CSMD1: variants seen among roughly 807,000 people sequenced by gnomAD.
CSMD1 encodes CUB and Sushi multiple domains 1, also known as CUB and sushi domain-containing protein 1.
A neutral mutation model predicts 417.5 loss-of-function variants in CSMD1; 213 were observed. The observed-to-expected ratio is 0.51, with a 90% CI of 0.46 to 0.57. CSMD1 has a LOEUF of 0.57. Ranked by LOEUF, CSMD1 falls within the 20% of genes least tolerant of loss-of-function variation. The probability of loss-of-function intolerance (pLI) is 0.00; values close to 1 mark genes in which losing one functional copy is unlikely to be tolerated. For synonymous variants in CSMD1, 2,862 were observed against 1,736.8 expected (o/e 1.65, Z -16.11); for missense variants, 6,923 against 4,529.7 (o/e 1.53, Z -15.17).
chr8:4,817,480 G>A (rs1332711849), intron 1 of CSMD1, among the ~76,000 whole-genome samples: 2 of 152,174 alleles, frequency 1.3e-5, no homozygotes, highest in South Asian at 2.1e-4. Context: ...AGGCCCAAAG[G>A]GCACGTCCAA....
chr8:3,070,603 C>A (rs1269218219), intron 49 of CSMD1, among the ~76,000 whole-genome samples: 2 of 152,206 alleles, frequency 1.3e-5, no homozygotes, highest in Non-Finnish European at 2.9e-5. Context: ...CTCCAATTCC[C>A]AAGAAGTTTC....
intron 1 of CSMD1, among the ~76,000 whole-genome samples, chr8:4,868,652 A>C (rs1035363682): frequency 2.6e-5 from 4 of 152,086 alleles, no homozygotes; most frequent in Non-Finnish European, 5.9e-5. Context: ...GGTAATTGAA[A>C]ATTATTACCT....
rs1201069996 is a variant in CSMD1, at chr8:3,772,278, T to TATATTTAGACATACATATGTACAC, written c.819-18237_819-18236insGTGTACATATGTATGTCTAAATAT. Among the ~76,000 whole-genome samples the TATATTTAGACATACATATGTACAC allele has an allele frequency of 2.1e-5, 3 of 142,644 alleles. No homozygotes were observed. In the East Asian group the frequency reaches 5.9e-4, roughly 28 times the overall value. The allele number at this position is 142,644 out of a possible 152,430, so 93.6% of individuals were successfully genotyped here. A position where few individuals can be genotyped will look rare whatever the true frequency, so the allele number is the denominator to read the frequency against. On this transcript the variant is annotated intron_variant, in intron 5 of 69. Coordinates refer to ENST00000635120, the MANE Select transcript of CSMD1 (RefSeq NM_033225.6). Reference sequence around the variant, plus strand: ...ATATATTTAGACATACATATGTACATATATTTAGACATACATATGTACATA... The same window carrying TATATTTAGACATACATATGTACAC: ...ATATATTTAGACATACATATGTACATATATTTAGACATACATATGTACACATATTTAGACATACATATGTACATA...
chr8:3,620,633 G>T (rs968891620), intron 7 of CSMD1, among the ~76,000 whole-genome samples: 1 of 151,944 alleles, frequency 6.6e-6, no homozygotes. Context: ...TATCTCCATG[G>T]AAACCATAAA....
At chr8:4,027,320 G>A (rs950793276) in intron 4 of CSMD1, among the ~76,000 whole-genome samples, 4 of 152,110 alleles carry the variant, frequency 2.6e-5, no homozygotes, top group Admixed American at 6.5e-5. Context: ...TAGGATGATG[G>A]TATGCTTTGG....
At chr8:4,484,802 T>C (rs111978152) in intron 2 of CSMD1, among the ~76,000 whole-genome samples, 11,770 of 151,186 alleles carry the variant, frequency 0.078, 476 homozygotes, top group East Asian at 0.15. Context: ...ACCCCGTCTC[T>C]ACTAAAAAAT....
At position 4,543,291 on chromosome 8, in the gene CSMD1, C is replaced by A. The variant is rs111564046; in HGVS notation, c.302+94051G>T. 5.4e-3 allele frequency among the ~76,000 whole-genome samples: 816 copies of A among 152,290 alleles called. 10 individuals carry two copies. Among genetic ancestry groups the A allele is most frequent in the African/African-American group, 0.018 (762 of 41,556 alleles). On this transcript the variant is annotated intron_variant, in intron 2 of 69. Coordinates refer to ENST00000635120, the MANE Select transcript of CSMD1 (RefSeq NM_033225.6). The stretch of plus-strand genomic sequence containing the variant: ...TGCCCTAAAGATCCCCAAAGCTTCA[C>A]CTGTTCATCCCTCCCTTCCTCCACC...
chr8:3,591,130 G>A (rs73179194), intron 8 of CSMD1, among the ~76,000 whole-genome samples: 3 of 152,260 alleles, frequency 2.0e-5, no homozygotes, highest in Non-Finnish European at 2.9e-5. Flanking sequence ...GTTAGTAACT[G>A]TAAGAAATAC....
chr8:4,766,500 C>T (rs1812474766), intron 1 of CSMD1, among the ~76,000 whole-genome samples: 1 of 152,192 alleles, frequency 6.6e-6, no homozygotes, highest in African/African-American at 2.4e-5. Context: ...AGTCAGGCAA[C>T]TATGCAACGA....
intron 23 of CSMD1, among the ~76,000 whole-genome samples, chr8:3,321,129 G>T (rs1563269951): frequency 6.6e-6 from 1 of 151,986 alleles, no homozygotes. Context: ...GGCGTGCAAA[G>T]CCCCCTGCAC....
At chr8:3,891,490 GACAAC>G (rs1434123671) in intron 5 of CSMD1, among the ~76,000 whole-genome samples, 3 of 151,996 alleles carry the variant, frequency 2.0e-5, no homozygotes, top group Non-Finnish European at 2.9e-5. Context: ...GACCACCCTG[GACAAC>G]ATAACAAGAC....
At chr8:4,147,074 G>T (rs537743952) in intron 3 of CSMD1, among the ~76,000 whole-genome samples, 33 of 151,958 alleles carry the variant, frequency 2.2e-4, no homozygotes, top group African/African-American at 7.2e-4. Context: ...CCTAACTCCA[G>T]CTGTCCTCAC....
intron 7 of CSMD1, among the ~76,000 whole-genome samples, chr8:3,649,334 C>T (rs1797730628): frequency 6.6e-6 from 1 of 152,150 alleles, no homozygotes; most frequent in Admixed American, 6.5e-5. Flanking sequence ...ATTAAATTGA[C>T]TGTTAGAAGA....
intron 1 of CSMD1, among the ~76,000 whole-genome samples, chr8:4,759,826 G>A (rs189289167): frequency 6.6e-6 from 1 of 152,220 alleles, no homozygotes; most frequent in East Asian, 1.9e-4. Context: ...TGGACATTTG[G>A]GTTGATTCCA....
chr8:3,749,351 A>G (rs1367071448), intron 6 of CSMD1, among the ~76,000 whole-genome samples: 2 of 152,182 alleles, frequency 1.3e-5, no homozygotes, highest in East Asian at 3.9e-4. Context: ...TTTTGTTCAC[A>G]ATGTCATTTT....
chr8:4,210,374 C>G (rs776252510), intron 3 of CSMD1, among the ~76,000 whole-genome samples: 1 of 152,174 alleles, frequency 6.6e-6, no homozygotes, highest in East Asian at 1.9e-4. Flanking sequence ...ACATTCAAAT[C>G]CAACTTTTTC....
At chr8:3,145,775 C>A (rs910875881) in intron 40 of CSMD1, among the ~76,000 whole-genome samples, 1 of 152,256 alleles carries the variant, frequency 6.6e-6, no homozygotes, top group South Asian at 2.1e-4. Context: ...TCAGAGAGTA[C>A]TAAAGCATAT....
intron 1 of CSMD1, among the ~76,000 whole-genome samples, chr8:4,872,529 T>C (rs561079183): frequency 4.6e-5 from 7 of 152,170 alleles, no homozygotes; most frequent in Admixed American, 3.3e-4. Context: ...TCCACCATCA[T>C]TGTAAGTTTC....
chr8:4,141,472 A>G (rs762865664), intron 3 of CSMD1, among the ~76,000 whole-genome samples: 1 of 151,204 alleles, frequency 6.6e-6, no homozygotes, highest in Non-Finnish European at 1.5e-5. Context: ...GCTTTTGTAT[A>G]CAATATGCCA....
Sources: allele counts gnomAD v4.1 joint callset (sites outside exome capture counted in the v4.1 genomes callset), GRCh38; gene constraint gnomAD v4.1.1; transcripts MANE v1.5; gene names NCBI Gene and HGNC (gene_info 2026-07-23, HGNC 2026-07-21).